Variants in PKIB observed in about 807,000 individuals in gnomAD.
The protein encoded by PKIB is cAMP-dependent protein kinase inhibitor beta.
In PKIB, 2 loss-of-function variants were observed where a neutral mutation model predicts 4.5. That is an observed-to-expected ratio of 0.44 (90% CI 0.18 to 1.39). The LOEUF (loss-of-function observed/expected upper bound fraction) is 1.39, where lower values mean the gene tolerates loss of function less well. Ranked by LOEUF, PKIB falls within the 40% of genes most tolerant of loss-of-function variation. The pLI, the probability that PKIB is intolerant of heterozygous loss-of-function variation, is 0.27. For missense variants in PKIB, 94 were observed against 92.6 expected (o/e 1.02, Z -0.06); for synonymous variants, 38 against 36.0 (o/e 1.06, Z -0.20).
chr6:122,656,464 A>G (rs182469958), intron 2 of PKIB, among the ~76,000 whole-genome samples: 11 of 152,310 alleles, frequency 7.2e-5, no homozygotes, highest in Middle Eastern at 3.4e-3. Flanking sequence ...AAATTTGCCT[A>G]TTGTGCTAAG....
At chr6:122,539,317 T>C (rs1430078305) in intron 2 of PKIB, among the ~76,000 whole-genome samples, 7 of 151,998 alleles carry the variant, frequency 4.6e-5, no homozygotes, top group Non-Finnish European at 1.0e-4. Context: ...TGGCTGTGGG[T>C]TTGTCATAGA....
At chr6:122,569,358 AAAC>A (rs1773289872) in intron 2 of PKIB, among the ~76,000 whole-genome samples, 1 of 152,264 alleles carries the variant, frequency 6.6e-6, no homozygotes, top group South Asian at 2.1e-4. Flanking sequence ...AGGCCAACCA[AAAC>A]AGTCCATTAC....
chr6:122,534,058 C>T (rs940686346), intron 2 of PKIB, among the ~76,000 whole-genome samples: 1 of 151,346 alleles, frequency 6.6e-6, no homozygotes. Context: ...CTTATTACTT[C>T]TCAGATAATC....
chr6:122,534,472 G>T (rs1280651422), intron 2 of PKIB, among the ~76,000 whole-genome samples: 1 of 152,026 alleles, frequency 6.6e-6, no homozygotes, highest in Non-Finnish European at 1.5e-5. Flanking sequence ...AGCGTAAAAA[G>T]ATCTCGTTGT....
At chr6:122,704,874 A>G (rs1778993540) in intron 3 of PKIB, among the ~76,000 whole-genome samples, 1 of 152,094 alleles carries the variant, frequency 6.6e-6, no homozygotes. Context: ...CCAGAAGTTT[A>G]AGACCATCCT....
intron 3 of PKIB, among the ~76,000 whole-genome samples, chr6:122,596,426 C>A (rs1774180094): frequency 6.6e-6 from 1 of 152,170 alleles, no homozygotes; most frequent in Non-Finnish European, 1.5e-5. Context: ...GCCTTCAGGA[C>A]CTGCCCAAGC....
At chr6:122,675,833 G>A (rs1006426510) in intron 3 of PKIB, among the ~76,000 whole-genome samples, 1 of 151,942 alleles carries the variant, frequency 6.6e-6, no homozygotes, top group Admixed American at 6.5e-5. Flanking sequence ...AAAAAATCAT[G>A]TCTAATGAAG....
intron 2 of PKIB, among the ~76,000 whole-genome samples, chr6:122,547,352 C>T (rs981180340): frequency 2.6e-5 from 4 of 151,844 alleles, no homozygotes; most frequent in South Asian, 2.1e-4. Context: ...ATTTTCTTTT[C>T]GAGACGGAGT....
intron 2 of PKIB, among the ~76,000 whole-genome samples, chr6:122,546,683 C>T (rs545363285): frequency 9.9e-5 from 15 of 151,962 alleles, no homozygotes; most frequent in African/African-American, 3.6e-4. Flanking sequence ...AGATGAAGAA[C>T]CTGTGGTTCA....
chr6:122,472,565 A>G (rs1333637062), intron 1 of PKIB, among the ~76,000 whole-genome samples: 2 of 152,156 alleles, frequency 1.3e-5, no homozygotes, highest in Non-Finnish European at 2.9e-5. Context: ...ATTTTTTTAG[A>G]GTTATTTGTT....
At chr6:122,532,400 CT>C (rs1777285629) in intron 2 of PKIB, among the ~76,000 whole-genome samples, 1 of 152,010 alleles carries the variant, frequency 6.6e-6, no homozygotes, top group African/African-American at 2.4e-5. Context: ...CAAAAATTGC[CT>C]TTTTAAACTT....
chr6:122,617,607 A>T (rs1381874030), intron 1 of PKIB, among the ~76,000 whole-genome samples: 1 of 152,176 alleles, frequency 6.6e-6, no homozygotes, highest in African/African-American at 2.4e-5. Context: ...AATTTATCCC[A>T]ACTTGATGAA....
chr6:122,530,324 A>G (rs1777219678), intron 2 of PKIB, among the ~76,000 whole-genome samples: 2 of 152,026 alleles, frequency 1.3e-5, no homozygotes, highest in South Asian at 4.1e-4. Flanking sequence ...TTGGTCACAG[A>G]TTGTTTTTGG....
At position 122,576,710 on chromosome 6, in the gene PKIB, A is replaced by ATATATATATATT. The variant is rs59569106; in HGVS notation, c.-247-9210_-247-9209insATATATATATTT. Among the ~76,000 whole-genome samples the ATATATATATATT allele has an allele frequency of 2.9e-3, 322 of 109,870 alleles. 3 individuals are homozygous for ATATATATATATT. The highest frequency in any genetic ancestry group is 4.6e-3 in the Middle Eastern group (1 of 218). The allele number at this position is 109,870 out of a possible 152,430, so 72.1% of individuals were successfully genotyped here. Reference sequence around the variant, plus strand: ...AAAAAATATATATATATATATATATATTTTCTTTTGTATAATTATACCTCA... The same window carrying ATATATATATATT: ...AAAAAATATATATATATATATATATATATATATATATTTTTTCTTTTGTATAATTATACCTCA... On this transcript the variant is annotated intron_variant, in intron 2 of 6. Transcript: ENST00000392491.
upstream of PKIB, among the ~76,000 whole-genome samples, chr6:122,607,985 G>A (rs1396764096): frequency 6.6e-6 from 1 of 151,998 alleles, no homozygotes; most frequent in Non-Finnish European, 1.5e-5. Context: ...TTTCATTCTG[G>A]TATTACTGTT....
intron 2 of PKIB, among the ~76,000 whole-genome samples, chr6:122,653,199 AGAAAAT>A (rs1776633478): frequency 6.6e-6 from 1 of 152,210 alleles, no homozygotes; most frequent in Admixed American, 6.5e-5. Context: ...TGTACTAAAA[AGAAAAT>A]AATGAGGTTG....
chr6:122,711,649 T>G (rs970016215), intron 3 of PKIB, among the ~76,000 whole-genome samples: 4 of 152,130 alleles, frequency 2.6e-5, no homozygotes, highest in African/African-American at 9.7e-5. Flanking sequence ...GGAGGCTACA[T>G]AGTTTATTGC....
At chr6:122,648,417 A>G (rs796368400) in intron 2 of PKIB, among the ~76,000 whole-genome samples, 3 of 152,308 alleles carry the variant, frequency 2.0e-5, no homozygotes, top group African/African-American at 7.2e-5. Flanking sequence ...ACAGCCTCCT[A>G]GAGGATATTT....
intron 3 of PKIB, among the ~76,000 whole-genome samples, chr6:122,602,604 C>T (rs529015000): frequency 5.1e-4 from 77 of 151,850 alleles, no homozygotes; most frequent in African/African-American, 1.8e-3. Context: ...AACAAACTAA[C>T]AAAAAATCCT....
Sources: gnomAD v4.1 joint callset for allele counts (sites outside exome capture counted in the v4.1 genomes callset) on GRCh38, gnomAD v4.1.1 for gene constraint, MANE v1.5 for transcripts, NCBI Gene and HGNC (gene_info 2026-07-23, HGNC 2026-07-21) for gene names.